The following MCC variants were observed in gnomAD, a reference collection of about 807,000 sequenced individuals.
MCC encodes the protein colorectal mutant cancer protein.
MCC carries 90 observed loss-of-function variants against 116.2 expected under a neutral mutation model. The observed-to-expected ratio is 0.77, with a 90% CI of 0.65 to 0.92. The LOEUF (loss-of-function observed/expected upper bound fraction) is 0.92. Among genes scored for constraint, MCC ranks in the 40% least tolerant of loss-of-function variants. The pLI is 0.00. For synonymous variants in MCC, 578 were observed against 510.5 expected (o/e 1.13, Z -1.78); for missense variants, 1,516 against 1,312.2 (o/e 1.16, Z -2.40).
chr5:113,374,991 CAA>C (rs70973680), intron 2 of MCC, among the ~76,000 whole-genome samples: 151 of 85,200 alleles, frequency 1.8e-3, no homozygotes, highest in Middle Eastern at 7.2e-3. Flanking sequence ...GACCCTGTCT[CAA>C]AAAAAAAAAA....
intron 3 of MCC, among the ~76,000 whole-genome samples, chr5:113,278,713 G>C (rs1269757011): frequency 6.6e-6 from 1 of 152,146 alleles, no homozygotes; most frequent in Non-Finnish European, 1.5e-5. Flanking sequence ...GAATGTGAGC[G>C]ACGTGGCTGG....
chr5:113,093,060 G>C (rs1452587256), intron 8 of MCC, among the ~76,000 whole-genome samples: 2 of 152,138 alleles, frequency 1.3e-5, no homozygotes, highest in African/African-American at 4.8e-5. Context: ...CTTAAAATCA[G>C]AGTGCTGAGG....
intron 1 of MCC, among the ~76,000 whole-genome samples, chr5:113,444,613 G>C (rs1156368330): frequency 6.6e-6 from 1 of 152,188 alleles, no homozygotes; most frequent in Non-Finnish European, 1.5e-5. Context: ...TTGGCCTTCA[G>C]ATCAATGCTT....
intron 3 of MCC, among the ~76,000 whole-genome samples, chr5:113,185,078 G>T (rs1761832800): frequency 1.3e-5 from 2 of 152,158 alleles, no homozygotes; most frequent in Admixed American, 6.5e-5. Flanking sequence ...ACCACGTTAG[G>T]CCACTCCACG....
chr5:113,197,885 C>T (rs1762490074), intron 3 of MCC, among the ~76,000 whole-genome samples: 1 of 152,192 alleles, frequency 6.6e-6, no homozygotes, highest in Admixed American at 6.5e-5. Context: ...TTCCGTAAAC[C>T]CAGGCAGGAG....
At chr5:113,466,585 G>A (rs1184581657) in intron 1 of MCC, among the ~76,000 whole-genome samples, 3 of 151,932 alleles carry the variant, frequency 2.0e-5, no homozygotes, top group Admixed American at 6.6e-5. Flanking sequence ...GTCTATCATT[G>A]TTGGACATTT....
At chr5:113,148,754 C>T (rs1561403092) in intron 4 of MCC, among the ~76,000 whole-genome samples, 1 of 151,912 alleles carries the variant, frequency 6.6e-6, no homozygotes, top group Non-Finnish European at 1.5e-5. Context: ...TTCCTAGGTT[C>T]CAGTATATGA....
intron 1 of MCC, among the ~76,000 whole-genome samples, chr5:113,391,289 G>C (rs1769395136): frequency 6.6e-6 from 1 of 152,158 alleles, no homozygotes; most frequent in Admixed American, 6.6e-5. Context: ...GGAGCTGCTG[G>C]GTGGTACTAA....
At chr5:113,477,384 A>C in intron 1 of MCC, among the ~76,000 whole-genome samples, 1 of 152,248 alleles carries the variant, frequency 6.6e-6, no homozygotes, top group East Asian at 1.9e-4. Context: ...GGTCATAATC[A>C]TAGGTCACAG....
intron 1 of MCC, among the ~76,000 whole-genome samples, chr5:113,393,906 T>C (rs1267614834): frequency 6.6e-6 from 1 of 152,138 alleles, no homozygotes; most frequent in Non-Finnish European, 1.5e-5. Context: ...TATCTTAGAG[T>C]CATATCCTTG....
chr5:113,225,925 C>A (rs1160466083), intron 3 of MCC, among the ~76,000 whole-genome samples: 1 of 152,240 alleles, frequency 6.6e-6, no homozygotes, highest in Non-Finnish European at 1.5e-5. Context: ...ATAATCCCAG[C>A]ACTTTGGAAG....
intron 3 of MCC, among the ~76,000 whole-genome samples, chr5:113,198,575 G>A (rs1762535321): frequency 2.0e-5 from 3 of 151,042 alleles, no homozygotes. Flanking sequence ...ATGATGGCCT[G>A]CACCTGTGGT....
chr5:113,100,124 G>C (rs547280372), intron 8 of MCC, among the ~76,000 whole-genome samples: 1 of 152,184 alleles, frequency 6.6e-6, no homozygotes, highest in Non-Finnish European at 1.5e-5. Context: ...GCTTATGCAC[G>C]TGAGTTAAGA....
intron 3 of MCC, among the ~76,000 whole-genome samples, chr5:113,337,440 C>A (rs2150377730): frequency 6.6e-6 from 1 of 152,294 alleles, no homozygotes; most frequent in South Asian, 2.1e-4. Context: ...GGGCTGCAGA[C>A]TTTCTTTGAA....
intron 3 of MCC, among the ~76,000 whole-genome samples, chr5:113,223,771 C>A (rs575369423): frequency 6.6e-6 from 1 of 152,142 alleles, no homozygotes; most frequent in East Asian, 1.9e-4. Context: ...GAAAATGATG[C>A]CTCATTTGTT....
Position 113,167,139 on chromosome 5 carries a change from A to T in MCC, c.628-15717T>A, listed in dbSNP as rs73778966. ...GATGATTCTCTCACTTTACACCAATAGATGCGCTGTGGCAAAAAAGGTGAG... is the reference window on the plus strand; with the variant it reads ...GATGATTCTCTCACTTTACACCAATTGATGCGCTGTGGCAAAAAAGGTGAG... On this transcript the variant is annotated intron_variant, in intron 3 of 18. Coordinates refer to ENST00000408903, the MANE Select transcript of MCC (RefSeq NM_001085377.2). Among the ~76,000 whole-genome samples, 1,157 of 152,312 alleles carry T rather than the reference A, an allele frequency of 7.6e-3. 14 individuals are homozygous for T. The highest frequency in any genetic ancestry group is 0.026 in the African/African-American group (1,100 of 41,560).
chr5:113,310,052 G>A (rs963383442), intron 3 of MCC, among the ~76,000 whole-genome samples: 26 of 152,030 alleles, frequency 1.7e-4, no homozygotes, highest in African/African-American at 1.9e-4. Context: ...AGGAATACAC[G>A]ATTTGAAGGC....
chr5:113,315,644 G>A (rs1337984537), intron 3 of MCC, among the ~76,000 whole-genome samples: 1 of 147,816 alleles, frequency 6.8e-6, no homozygotes. Context: ...GAAGGAGGAG[G>A]ATTGCTTGAG....
chr5:113,032,546 T>A (rs774538318), intron 17 of MCC, among the ~76,000 whole-genome samples: 5 of 152,138 alleles, frequency 3.3e-5, no homozygotes, highest in Admixed American at 6.5e-5. Context: ...TAAAATTACA[T>A]ACATGCCTTG....
Sources: gnomAD v4.1 joint callset for allele counts (sites outside exome capture counted in the v4.1 genomes callset) on GRCh38, gnomAD v4.1.1 for gene constraint, MANE v1.5 for transcripts, NCBI Gene and HGNC (gene_info 2026-07-23, HGNC 2026-07-21) for gene names.